ACSS3: variants seen among roughly 807,000 people sequenced by gnomAD.
ACSS3 encodes the protein acyl-CoA synthetase short-chain family member 3, mitochondrial.
In ACSS3, 64 loss-of-function variants were observed where a neutral mutation model predicts 84.2. That is an observed-to-expected ratio of 0.76 (90% CI 0.62 to 0.94). The LOEUF (loss-of-function observed/expected upper bound fraction) is 0.94, where lower values mean the gene tolerates loss of function less well. Ranked by LOEUF, ACSS3 falls within the 40% of genes least tolerant of loss-of-function variation. The pLI is 0.00. For missense variants in ACSS3, 815 were observed against 867.6 expected (o/e 0.94, Z 0.76); for synonymous variants, 317 against 310.1 (o/e 1.02, Z -0.23).
At chr12:81,191,343 A>AT (rs1332428969) in intron 8 of ACSS3, among the ~76,000 whole-genome samples, 1 of 151,762 alleles carries the variant, frequency 6.6e-6, no homozygotes, top group Non-Finnish European at 1.5e-5. Flanking sequence ...CTTCCTTTCT[A>AT]TTTTTGGAGA....
In ACSS3 at chr12:81,254,913, G is replaced by A. The variant is rs766129012; in HGVS notation, c.2052G>A (p.Lys684=). Residue 684 remains lysine, a synonymous_variant, in exon 16 of 16, where the codon AAG becomes AAA. Transcript: ENST00000548058. The part of the protein sequence containing the change: ...SIFGHVEEML[K]QA Reference sequence around the variant, plus strand: ...TTGGCCACGTAGAAGAAATGCTGAAGCAAGCATAATGAGTTTGTCTTATTC... The same window carrying A: ...TTGGCCACGTAGAAGAAATGCTGAAACAAGCATAATGAGTTTGTCTTATTC... 6.2e-7 allele frequency: 1 copy of A among 1,604,596 alleles called. No individual in the cohort carries two copies. The highest frequency in any genetic ancestry group is 1.3e-5 in the African/African-American group (1 of 74,492).
Position 81,139,117 on chromosome 12 carries a change from T to C in ACSS3, c.646-14T>C. 4.3e-6 allele frequency: 7 copies of C among 1,609,684 alleles called. No homozygotes were observed. The highest frequency in any genetic ancestry group is 5.9e-6 in the Non-Finnish European group (7 of 1,177,938). ...TGTTAAAGCTTTCTCTCCATTATTATTTTTTAATTGTAGCCCAAGGTGGTT... is the reference window on the plus strand; with the variant it reads ...TGTTAAAGCTTTCTCTCCATTATTACTTTTTAATTGTAGCCCAAGGTGGTT... On this transcript the variant is annotated splice_polypyrimidine_tract_variant and intron_variant, in intron 3 of 15. Coordinates refer to ENST00000548058, the MANE Select transcript of ACSS3 (RefSeq NM_024560.4).
At chr12:81,103,818 A>T (rs1882733601) in intron 1 of ACSS3, among the ~76,000 whole-genome samples, 1 of 152,136 alleles carries the variant, frequency 6.6e-6, no homozygotes, top group Admixed American at 6.6e-5. Flanking sequence ...TTTTTTGAGT[A>T]TTGTTTATAG....
chr12:81,187,532 T>C (rs2031336442), intron 8 of ACSS3, among the ~76,000 whole-genome samples: 1 of 151,894 alleles, frequency 6.6e-6, no homozygotes, highest in Admixed American at 6.6e-5. Context: ...GAGTTTGTGG[T>C]GGAGTTGCAT....
At chr12:81,139,641 T>A (rs913041124) in intron 4 of ACSS3, among the ~76,000 whole-genome samples, 172 of 84,458 alleles carry the variant, frequency 2.0e-3, no homozygotes, top group South Asian at 4.8e-3. Context: ...TAATAATTAT[T>A]GTTATTTTTT....
chr12:81,176,682 A>T (rs1163661571), intron 8 of ACSS3, among the ~76,000 whole-genome samples: 1 of 152,138 alleles, frequency 6.6e-6, no homozygotes, highest in Non-Finnish European at 1.5e-5. Flanking sequence ...AATAAAAAAA[A>T]CCTACCAACC....
rs1314824924 is a variant in ACSS3, at chr12:81,217,009, C to G, written c.1450+13C>G. 6.3e-7 allele frequency: 1 copy of G among 1,590,588 alleles called. No homozygotes were observed. ...CCAGGATACAATGGTAAGGAATGAC[C>G]CTGATAATACGTAAAGTTAATAAAT... On this transcript the variant is annotated intron_variant, in intron 10 of 15. Transcript: ENST00000548058.
At chr12:81,172,411 C>T (rs921389268) in intron 7 of ACSS3, among the ~76,000 whole-genome samples, 2 of 152,012 alleles carry the variant, frequency 1.3e-5, no homozygotes, top group African/African-American at 4.8e-5. Context: ...ATGAGCACAT[C>T]CCAGCACAGT....
At chr12:81,172,784 C>CT (rs536958991) in intron 7 of ACSS3, among the ~76,000 whole-genome samples, 4 of 152,078 alleles carry the variant, frequency 2.6e-5, no homozygotes, top group Non-Finnish European at 5.9e-5. Flanking sequence ...CTGTGTCCTC[C>CT]TTGTAGGTGG....
chr12:81,127,157 A>G (rs1348216006), intron 2 of ACSS3, among the ~76,000 whole-genome samples: 3 of 151,850 alleles, frequency 2.0e-5, no homozygotes, highest in Non-Finnish European at 4.4e-5. Flanking sequence ...CTCAAAATAA[A>G]TTGGCTTAGC....
chr12:81,148,897 TAAAAAAAAA>T (rs397851051), intron 5 of ACSS3, among the ~76,000 whole-genome samples: 2 of 81,834 alleles, frequency 2.4e-5, no homozygotes, highest in Non-Finnish European at 4.4e-5. Flanking sequence ...CTGCCTCTAC[TAAAAAAAAA>T]AAAAAAAAAA....
intron 11 of ACSS3, among the ~76,000 whole-genome samples, chr12:81,229,946 G>A (rs1047242870): frequency 1.6e-4 from 24 of 151,970 alleles, no homozygotes; most frequent in Middle Eastern, 3.4e-3. Context: ...GAATGTGAGA[G>A]TAAAATTCAG....
chr12:81,129,184 T>C (rs1885318563), intron 2 of ACSS3, among the ~76,000 whole-genome samples: 1 of 152,146 alleles, frequency 6.6e-6, no homozygotes, highest in Non-Finnish European at 1.5e-5. Flanking sequence ...AGGGCAGTGG[T>C]TGACAACTCA....
At chr12:81,177,289 A>G (rs971731403) in intron 8 of ACSS3, among the ~76,000 whole-genome samples, 1 of 152,202 alleles carries the variant, frequency 6.6e-6, no homozygotes, top group Non-Finnish European at 1.5e-5. Context: ...CCTATTCAAC[A>G]TAGTTCTGGA....
At chr12:81,086,079 T>C (rs1348178640) in intron 1 of ACSS3, among the ~76,000 whole-genome samples, 2 of 152,214 alleles carry the variant, frequency 1.3e-5, no homozygotes, top group Non-Finnish European at 2.9e-5. Flanking sequence ...GGCAAACAAA[T>C]GCTCAGCTAC....
At chr12:81,240,276 A>G (rs1315979767) in intron 13 of ACSS3, among the ~76,000 whole-genome samples, 2 of 151,970 alleles carry the variant, frequency 1.3e-5, no homozygotes, top group African/African-American at 4.8e-5. Flanking sequence ...TTCTCGGGTT[A>G]TTGACCTCTT....
chr12:81,140,775 AACAC>A (rs1313497882), intron 4 of ACSS3, among the ~76,000 whole-genome samples: 1 of 152,178 alleles, frequency 6.6e-6, no homozygotes, highest in Non-Finnish European at 1.5e-5. Flanking sequence ...GAATGGCAGG[AACAC>A]ACACACAATG....
intron 1 of ACSS3, among the ~76,000 whole-genome samples, chr12:81,104,255 G>T (rs766980432): frequency 1.4e-4 from 21 of 151,870 alleles, no homozygotes; most frequent in Non-Finnish European, 2.9e-4. Flanking sequence ...GCTAGCAACC[G>T]AGAAGCACCA....
chr12:81,216,916 T>C lies in ACSS3; in HGVS notation c.1370T>C (p.Ile457Thr). Reference sequence around the variant, plus strand: ...CTTTTTCCAGAGACTGGATCTCCAATTACTGCGTCATGTGTTGGATTAGGC... The same window carrying C: ...CTTTTTCCAGAGACTGGATCTCCAACTACTGCGTCATGTGTTGGATTAGGC... ...HWWQTETGSP[I>T]TASCVGLGNS... Residue 457 changes from isoleucine to threonine, a missense_variant, in exon 10 of 16, where the codon ATT (isoleucine) becomes ACT (threonine). Coordinates refer to ENST00000548058, the MANE Select transcript of ACSS3 (RefSeq NM_024560.4). 1 of 1,610,884 alleles carries C rather than the reference T, an allele frequency of 6.2e-7. No individual in the cohort carries two copies. The highest frequency in any genetic ancestry group is 8.5e-7 in the Non-Finnish European group (1 of 1,177,544).
Sources: gnomAD v4.1 joint callset for allele counts (sites outside exome capture counted in the v4.1 genomes callset) on GRCh38, gnomAD v4.1.1 for gene constraint, MANE v1.5 for transcripts, NCBI Gene and HGNC (gene_info 2026-07-23, HGNC 2026-07-21) for gene names.